FREM1: variants seen among roughly 807,000 people sequenced by gnomAD.
FREM1 encodes FRAS1-related extracellular matrix protein 1.
Under a neutral mutation model 210.1 loss-of-function variants are expected in FREM1, and 220 were observed. The ratio of observed to expected loss-of-function variants is 1.05; its 90% CI spans 0.94 to 1.17. The LOEUF is 1.17. FREM1 is among the 50% of genes most tolerant of loss of function. The probability of loss-of-function intolerance (pLI) is 0.00; values close to 1 mark genes in which losing one functional copy is unlikely to be tolerated. For missense variants in FREM1, 3,454 were observed against 2,675.5 expected (o/e 1.29, Z -6.42); for synonymous variants, 1,189 against 980.2 (o/e 1.21, Z -3.98).
intron 17 of FREM1, 88 bp from the exon 18 acceptor site, chr9:14,806,934 G>C: frequency 1.4e-6 from 1 of 716,532 alleles, no homozygotes; most frequent in Non-Finnish European, 2.2e-6. Context: ...TGAAATTCTA[G>C]TTCAGAGAAG....
intron 1 of FREM1, among the ~76,000 whole-genome samples, chr9:14,873,417 A>C (rs145742392): frequency 1.3e-5 from 2 of 152,084 alleles, no homozygotes; most frequent in African/African-American, 4.8e-5. Flanking sequence ...TGTGTCGAGG[A>C]ATTTATCCAT....
At chr9:14,889,475 G>C (rs1036948733) in intron 1 of FREM1, among the ~76,000 whole-genome samples, 3 of 152,006 alleles carry the variant, frequency 2.0e-5, no homozygotes, top group Non-Finnish European at 4.4e-5. Flanking sequence ...AAGAGAGGAA[G>C]ACCCATGGTC....
rs1439303829 is a variant in FREM1 at position 14,910,020 on chromosome 9, A to AG, written c.-375dup. 6.6e-6 allele frequency: 1 copy of AG among 152,242 alleles called. No individual in the cohort carries two copies. The highest frequency in any genetic ancestry group is 1.5e-5 in the Non-Finnish European group (1 of 68,044). 9.4% of individuals were successfully genotyped at this position (152,242 alleles called of 1,614,324 possible). ...TCTGGTTTAAAGGGCTTTGAGAGGA[A>AG]GGGGGAGGAAAAAGAACCCCGGGAA... On this transcript the variant is annotated 5_prime_UTR_variant, in exon 1 of 37. Transcript: ENST00000380880.
intron 21 of FREM1, among the ~76,000 whole-genome samples, chr9:14,793,349 T>A (rs1380882476): frequency 6.6e-6 from 1 of 152,164 alleles, no homozygotes; most frequent in Admixed American, 6.5e-5. Context: ...CTGAGTTAGG[T>A]GATAGTTAGG....
intron 27 of FREM1, among the ~76,000 whole-genome samples, chr9:14,768,640 G>A (rs1198889286): frequency 6.6e-6 from 1 of 152,098 alleles, no homozygotes; most frequent in East Asian, 1.9e-4. Flanking sequence ...GCAACGGAGT[G>A]GGACGCTGGG....
intron 1 of FREM1, among the ~76,000 whole-genome samples, chr9:14,898,843 C>T (rs952627307): frequency 6.6e-6 from 1 of 152,128 alleles, no homozygotes; most frequent in Admixed American, 6.5e-5. Flanking sequence ...GTAACAAATG[C>T]ACGACACTAA....
At chr9:14,897,352 G>T (rs1473651348) in intron 1 of FREM1, among the ~76,000 whole-genome samples, 2 of 152,124 alleles carry the variant, frequency 1.3e-5, no homozygotes, top group African/African-American at 4.8e-5. Context: ...ACAGCTTGGG[G>T]AGCCCAGGTG....
At chr9:14,834,089 A>G (rs1235053704) in intron 10 of FREM1, among the ~76,000 whole-genome samples, 4 of 152,202 alleles carry the variant, frequency 2.6e-5, no homozygotes, top group Non-Finnish European at 5.9e-5. Context: ...TCGCATTATG[A>G]GAGAGCTTTG....
chr9:14,806,854 C>A lies in FREM1; in HGVS notation c.3089-8G>T, dbSNP rs779322312. 1.2e-5 allele frequency: 19 copies of A among 1,551,694 alleles called. No homozygotes were observed. The South Asian group carries it at 2.0e-4, about 16-fold the overall frequency. On this transcript the variant is annotated splice_polypyrimidine_tract_variant and splice_region_variant and intron_variant, in intron 17 of 36. Transcript: ENST00000380880. ...CTACAACAAACACGGGACCTGCATACAAATAAAAACACAATTACAACTTAG... is the reference window on the plus strand; with the variant it reads ...CTACAACAAACACGGGACCTGCATAAAAATAAAAACACAATTACAACTTAG...
intron 1 of FREM1, among the ~76,000 whole-genome samples, chr9:14,882,914 A>AAAAAAAAAAAAAG (rs1835058955): frequency 6.8e-6 from 1 of 146,668 alleles, no homozygotes; most frequent in African/African-American, 2.5e-5. Flanking sequence ...CTCCATCTCA[A>AAAAAAAAAAAAAG]AAAAAAAAAA....
intron 35 of FREM1, among the ~76,000 whole-genome samples, chr9:14,741,579 G>A (rs928089117): frequency 2.6e-5 from 4 of 152,052 alleles, no homozygotes; most frequent in South Asian, 2.1e-4. Context: ...CATCCAACAC[G>A]CTCACTCTAA....
At chr9:14,745,588 G>C (rs1842274567) in intron 35 of FREM1, among the ~76,000 whole-genome samples, 1 of 152,106 alleles carries the variant, frequency 6.6e-6, no homozygotes, top group South Asian at 2.1e-4. Flanking sequence ...TTTCTTAATG[G>C]AGTCTTTAGA....
At chr9:14,738,101 G>A (rs1587596235) in intron 36 of FREM1, among the ~76,000 whole-genome samples, 1 of 151,940 alleles carries the variant, frequency 6.6e-6, no homozygotes, top group Non-Finnish European at 1.5e-5. Flanking sequence ...TTTGAGTCTG[G>A]AGCTTAAGAT....
chr9:14,739,009 CAAAAA>C (rs386414499), intron 36 of FREM1, among the ~76,000 whole-genome samples: 2 of 87,766 alleles, frequency 2.3e-5, no homozygotes, highest in African/African-American at 4.8e-5. Context: ...GATTCTGTCT[CAAAAA>C]AAAAAAAAAA....
chr9:14,869,321 C>G, intron 1 of FREM1, 77 bp from the exon 2 acceptor site: 1 of 215,910 alleles, frequency 4.6e-6, no homozygotes, highest in Non-Finnish European at 9.3e-6. Flanking sequence ...AAGATCGCTA[C>G]CAACAAAGGG....
chr9:14,899,340 C>T (rs1243176742), intron 1 of FREM1, among the ~76,000 whole-genome samples: 1 of 152,138 alleles, frequency 6.6e-6, no homozygotes, highest in Admixed American at 6.5e-5. Context: ...AGCTTAATGG[C>T]ATTAAGAAAA....
rs139694718 is a variant in FREM1, at chr9:14,794,668, G to A, written c.3840-1784C>T. Among the ~76,000 whole-genome samples, 454 of 152,276 alleles carry A rather than the reference G, an allele frequency of 3.0e-3. 1 individual carries two copies. Among genetic ancestry groups the A allele is most frequent in the African/African-American group, 0.01 (419 of 41,558 alleles). ...TTAGAAGAGCCATTAGATTTGGCGG[G>A]AAAGCCAAGAGTAACTTTTAAGGGA... On this transcript the variant is annotated intron_variant, in intron 21 of 36. Coordinates refer to ENST00000380880, the MANE Select transcript of FREM1 (RefSeq NM_001379081.2).
At chr9:14,852,574 T>C (rs1274050004) in intron 5 of FREM1, among the ~76,000 whole-genome samples, 3 of 152,166 alleles carry the variant, frequency 2.0e-5, no homozygotes, top group African/African-American at 4.8e-5. Flanking sequence ...TGCACACCTA[T>C]AGCCAATTAC....
At chr9:14,859,552 G>C (rs1564096169) in intron 3 of FREM1, 68 bp from the exon 4 acceptor site, 1 of 1,336,442 alleles carries the variant, frequency 7.5e-7, no homozygotes, top group African/African-American at 1.5e-5. Context: ...CATGTACTCA[G>C]CTGGAAGACT....
Sources: allele counts gnomAD v4.1 joint callset (sites outside exome capture counted in the v4.1 genomes callset), GRCh38; gene constraint gnomAD v4.1.1; transcripts MANE v1.5; gene names NCBI Gene and HGNC (gene_info 2026-07-23, HGNC 2026-07-21).